Variants in PRKCB observed in about 807,000 individuals in gnomAD.
PRKCB encodes the protein protein kinase C beta.
PRKCB carries 13 observed loss-of-function variants against 81.5 expected under a neutral mutation model. That is an observed-to-expected ratio of 0.16 (90% CI 0.10 to 0.25). The LOEUF is 0.25. Ranked by LOEUF, PRKCB falls within the 10% of genes least tolerant of loss-of-function variation. The probability of loss-of-function intolerance (pLI) is 1.00; values close to 1 mark genes in which losing one functional copy is unlikely to be tolerated. For missense variants in PRKCB, 509 were observed against 875.7 expected (o/e 0.58, Z 5.29); for synonymous variants, 335 against 321.4 (o/e 1.04, Z -0.45).
intron 2 of PRKCB, among the ~76,000 whole-genome samples, chr16:23,974,102 A>AG (rs1964594421): frequency 6.6e-6 from 1 of 152,142 alleles, no homozygotes; most frequent in Admixed American, 6.6e-5. Context: ...GGTGATAATT[A>AG]GGGGCTAGAC....
intron 13 of PRKCB, among the ~76,000 whole-genome samples, chr16:24,182,628 A>G (rs1457054356): frequency 6.6e-6 from 1 of 152,220 alleles, no homozygotes; most frequent in Non-Finnish European, 1.5e-5. Flanking sequence ...TACAAAGGAA[A>G]CTAGAGCCTG....
At chr16:24,098,556 C>T (rs193280689) in intron 7 of PRKCB, 2 of 152,222 alleles carry the variant, frequency 1.3e-5, no homozygotes, top group East Asian at 3.9e-4. Flanking sequence ...TTGAGACGAG[C>T]CTGGCCAACA....
At chr16:23,948,095 G>A (rs929654471) in intron 2 of PRKCB, among the ~76,000 whole-genome samples, 3 of 152,084 alleles carry the variant, frequency 2.0e-5, no homozygotes, top group African/African-American at 4.8e-5. Context: ...GTTCTGGAGG[G>A]GGAGGTGTTA....
rs150394945 is a variant in PRKCB at position 23,979,569 on chromosome 16, T to C, written c.206-8939T>C. On this transcript the variant is annotated intron_variant, in intron 2 of 16. Coordinates refer to ENST00000643927, the MANE Select transcript of PRKCB (RefSeq NM_002738.7). Reference sequence around the variant, plus strand: ...CACAGGCTGTGGGAGTCGGGGGGAATGTACAGGAAGATATGGCATAAAAGG... The same window carrying C: ...CACAGGCTGTGGGAGTCGGGGGGAACGTACAGGAAGATATGGCATAAAAGG... Among the ~76,000 whole-genome samples, 7 of 151,810 alleles carry C rather than the reference T, an allele frequency of 4.6e-5. No homozygotes were observed. In the East Asian group the frequency reaches 1.4e-3, roughly 29 times the overall value.
chr16:23,915,202 G>T (rs977205750), intron 2 of PRKCB, among the ~76,000 whole-genome samples: 1 of 152,168 alleles, frequency 6.6e-6, no homozygotes, highest in Non-Finnish European at 1.5e-5. Flanking sequence ...GAAATGAGAG[G>T]CTGGCTGCTT....
intron 7 of PRKCB, among the ~76,000 whole-genome samples, chr16:24,095,099 T>G (rs1966424312): frequency 1.3e-5 from 2 of 152,206 alleles, no homozygotes; most frequent in Admixed American, 1.3e-4. Context: ...TTTTATTACA[T>G]CTGGGCCAAT....
chr16:23,902,796 C>CCCTT (rs1256394787), intron 2 of PRKCB, among the ~76,000 whole-genome samples: 7 of 50,160 alleles, frequency 1.4e-4, no homozygotes, highest in African/African-American at 7.0e-4. Flanking sequence ...CTCCCTCCCT[C>CCCTT]CCTTCCTTCC....
intron 2 of PRKCB, among the ~76,000 whole-genome samples, chr16:23,867,693 T>C (rs1962831986): frequency 6.6e-6 from 1 of 152,208 alleles, no homozygotes; most frequent in African/African-American, 2.4e-5. Flanking sequence ...CCTAACAAAG[T>C]GTTTCCAAAC....
intron 2 of PRKCB, among the ~76,000 whole-genome samples, chr16:23,907,427 C>T (rs1478511075): frequency 6.6e-6 from 1 of 152,206 alleles, no homozygotes; most frequent in African/African-American, 2.4e-5. Context: ...ACCACATGCC[C>T]AGCTAATTTT....
At chr16:24,156,926 T>C (rs1967169925) in intron 10 of PRKCB, among the ~76,000 whole-genome samples, 1 of 152,220 alleles carries the variant, frequency 6.6e-6, no homozygotes, top group African/African-American at 2.4e-5. Context: ...GTGCCCAGCA[T>C]AGAGGCTGAG....
intron 2 of PRKCB, among the ~76,000 whole-genome samples, chr16:23,900,274 C>T (rs1459224950): frequency 6.6e-6 from 1 of 152,152 alleles, no homozygotes; most frequent in Non-Finnish European, 1.5e-5. Context: ...CGAGAGATAT[C>T]AATTCTTATG....
At chr16:24,094,418 G>C (rs1307803956) in intron 7 of PRKCB, 121 bp downstream of exon 7, 1 of 1,317,310 alleles carries the variant, frequency 7.6e-7, no homozygotes. Context: ...AGTGAAGTCT[G>C]GTTGATTGGA....
In PRKCB at chr16:24,218,894, C is replaced by T; in HGVS notation, c.*4078C>T. On this transcript the variant is annotated 3_prime_UTR_variant, in exon 17 of 17. Coordinates refer to ENST00000643927, the MANE Select transcript of PRKCB (RefSeq NM_002738.7). ...GTCCGAGAGACTGTGATGAGGCCTA[C>T]ATAGCAGCGATGTGGTCAGGTAAAA... is the stretch of plus-strand genomic sequence containing the variant. 1.0e-6 allele frequency: 1 copy of T among 985,452 alleles called. No individual in the cohort carries two copies. The highest frequency in any genetic ancestry group is 1.2e-6 in the Non-Finnish European group (1 of 829,988). The allele number at this position is 985,452 out of a possible 1,614,324, so 61.0% of individuals were successfully genotyped here.
intron 3 of PRKCB, among the ~76,000 whole-genome samples, chr16:24,027,240 C>G (rs147593456): frequency 1.8e-4 from 28 of 152,062 alleles, no homozygotes; most frequent in African/African-American, 6.3e-4. Context: ...TGAGAACATG[C>G]GGTGTTTGAT....
intron 2 of PRKCB, among the ~76,000 whole-genome samples, chr16:23,907,516 T>C (rs1167878049): frequency 6.6e-6 from 1 of 152,182 alleles, no homozygotes; most frequent in Non-Finnish European, 1.5e-5. Context: ...TCCTCTTGCC[T>C]AGGCCTCCTG....
intron 7 of PRKCB, among the ~76,000 whole-genome samples, chr16:24,094,549 T>C (rs773329816): frequency 5.3e-5 from 8 of 152,160 alleles, no homozygotes; most frequent in Non-Finnish European, 1.0e-4. Context: ...GTAGATCACT[T>C]GAGCTCAGGA....
intron 5 of PRKCB, among the ~76,000 whole-genome samples, chr16:24,084,890 A>T (rs1026517946): frequency 1.3e-5 from 2 of 152,266 alleles, no homozygotes; most frequent in South Asian, 4.1e-4. Flanking sequence ...GTTGGAGATC[A>T]TGGGTATATA....
intron 7 of PRKCB, among the ~76,000 whole-genome samples, chr16:24,110,279 T>A (rs1966658673): frequency 6.8e-6 from 1 of 148,036 alleles, no homozygotes; most frequent in East Asian, 2.0e-4. Context: ...TGGAGCAATC[T>A]CGGTTCACTG....
intron 2 of PRKCB, among the ~76,000 whole-genome samples, chr16:23,977,734 A>G (rs1436846562): frequency 1.3e-5 from 2 of 152,208 alleles, no homozygotes; most frequent in Non-Finnish European, 2.9e-5. Flanking sequence ...AGCCACAAGC[A>G]TAAATGCTCA....
Sources: allele counts gnomAD v4.1 joint callset (sites outside exome capture counted in the v4.1 genomes callset), GRCh38; gene constraint gnomAD v4.1.1; transcripts MANE v1.5; gene names NCBI Gene and HGNC (gene_info 2026-07-23, HGNC 2026-07-21).